The following CSMD1 variants were observed in gnomAD, a reference collection of about 807,000 sequenced individuals.
CSMD1 encodes CUB and sushi domain-containing protein 1.
A neutral mutation model predicts 417.5 loss-of-function variants in CSMD1; 213 were observed. The observed-to-expected ratio is 0.51, with a 90% CI of 0.46 to 0.57. CSMD1 has a LOEUF of 0.57. Among genes scored for constraint, CSMD1 ranks in the 20% least tolerant of loss-of-function variants. The pLI is 0.00. For missense variants in CSMD1, 6,923 were observed against 4,529.7 expected, an observed-to-expected ratio of 1.53 and a Z score of -15.17; for synonymous variants, 2,862 against 1,736.8, an observed-to-expected ratio of 1.65 and a Z score of -16.11.
intron 5 of CSMD1, among the ~76,000 whole-genome samples, chr8:3,865,107 T>G (rs543246320): frequency 6.6e-6 from 1 of 152,196 alleles, no homozygotes; most frequent in Non-Finnish European, 1.5e-5. Context: ...CACACACTAT[T>G]CTGGCCTCAC....
chr8:4,867,730 G>A (rs987829549), intron 1 of CSMD1, among the ~76,000 whole-genome samples: 1 of 152,030 alleles, frequency 6.6e-6, no homozygotes, highest in Non-Finnish European at 1.5e-5. Context: ...ACAAAATGCC[G>A]TATTAGTATT....
intron 5 of CSMD1, among the ~76,000 whole-genome samples, chr8:3,880,138 C>T (rs989330152): frequency 6.6e-6 from 1 of 152,036 alleles, no homozygotes; most frequent in Non-Finnish European, 1.5e-5. Flanking sequence ...ACTGTGACTG[C>T]TAGTACCTTC....
rs569694189 is a variant in CSMD1 at position 4,736,684 on chromosome 8, T to C, written c.86-99126A>G. Among the ~76,000 whole-genome samples the C allele has an allele frequency of 2.0e-5, 3 of 152,146 alleles. No homozygotes were observed. In the East Asian group the frequency reaches 5.8e-4, roughly 29 times the overall value. ...TATGCATAACTTTTGAGAAGATAAA[T>C]CGCAGGAAAAAGAATAATTTAAGAA... On this transcript the variant is annotated intron_variant, in intron 1 of 69. Coordinates refer to ENST00000635120, the MANE Select transcript of CSMD1 (RefSeq NM_033225.6).
chr8:4,781,726 T>G (rs1797161528), intron 1 of CSMD1, among the ~76,000 whole-genome samples: 3 of 152,318 alleles, frequency 2.0e-5, no homozygotes, highest in South Asian at 4.1e-4. Context: ...CTGGGAACAC[T>G]AGAAATGCTT....
intron 3 of CSMD1, among the ~76,000 whole-genome samples, chr8:4,365,611 G>C (rs1481170092): frequency 6.6e-6 from 1 of 152,144 alleles, no homozygotes; most frequent in South Asian, 2.1e-4. Context: ...CTTTGTACTT[G>C]ATTTGTTTAC....
chr8:3,181,523 T>A (rs1404197823), intron 36 of CSMD1, among the ~76,000 whole-genome samples: 2 of 152,176 alleles, frequency 1.3e-5, no homozygotes, highest in South Asian at 2.1e-4. Flanking sequence ...CTTCTTAAAT[T>A]TATTTTTTTA....
chr8:2,973,046 T>C, intron 57 of CSMD1, 71 bp downstream of exon 57: 1 of 1,444,296 alleles, frequency 6.9e-7, no homozygotes. Context: ...TGTAGAATTT[T>C]GCCAGGCATT....
chr8:4,973,228 A>C (rs1584938660), intron 1 of CSMD1, among the ~76,000 whole-genome samples: 1 of 152,220 alleles, frequency 6.6e-6, no homozygotes, highest in East Asian at 1.9e-4. Flanking sequence ...TATTGAGAGA[A>C]AGCATTTTCT....
At chr8:3,284,438 C>T (rs566040594) in intron 25 of CSMD1, 92 bp from the exon 26 acceptor site, 240 of 886,122 alleles carry the variant, frequency 2.7e-4, no homozygotes, top group Non-Finnish European at 4.0e-4. Context: ...TTCGCTTTCA[C>T]ACAACCCCCA....
chr8:3,359,126 T>A (rs779381261), intron 21 of CSMD1, 26 bp downstream of exon 21: 3 of 1,612,124 alleles, frequency 1.9e-6, no homozygotes, highest in Admixed American at 1.7e-5. Flanking sequence ...CATGGATGAA[T>A]GAAATGAAAG....
At chr8:3,932,158 A>T (rs1257892271) in intron 5 of CSMD1, among the ~76,000 whole-genome samples, 1 of 150,310 alleles carries the variant, frequency 6.7e-6, no homozygotes, top group African/African-American at 2.5e-5. Context: ...TGCTGGAATG[A>T]AACTCAGATA....
At chr8:3,821,780 TCAAAAAAACAAACAAG>T (rs1220265592) in intron 5 of CSMD1, among the ~76,000 whole-genome samples, 1 of 151,936 alleles carries the variant, frequency 6.6e-6, no homozygotes, top group Non-Finnish European at 1.5e-5. Flanking sequence ...AGACTCTGTC[TCAAAAAAACAAACAAG>T]CAAACAAACA....
At chr8:4,751,067 T>C (rs1440350652) in intron 1 of CSMD1, among the ~76,000 whole-genome samples, 5 of 152,184 alleles carry the variant, frequency 3.3e-5, no homozygotes, top group Non-Finnish European at 7.3e-5. Flanking sequence ...CAGGTAAAGT[T>C]TGATATACAT....
At chr8:3,055,282 G>C (rs1222238889) in intron 49 of CSMD1, among the ~76,000 whole-genome samples, 1 of 152,116 alleles carries the variant, frequency 6.6e-6, no homozygotes, top group Non-Finnish European at 1.5e-5. Context: ...GCTTGCCCAG[G>C]TCTTAAGACA....
intron 23 of CSMD1, among the ~76,000 whole-genome samples, chr8:3,332,517 G>C (rs951149074): frequency 1.3e-5 from 2 of 152,250 alleles, no homozygotes; most frequent in African/African-American, 4.8e-5. Context: ...TGACCATTCA[G>C]AATGTCACCG....
intron 11 of CSMD1, among the ~76,000 whole-genome samples, chr8:3,483,691 G>C (rs1281668256): frequency 6.6e-6 from 1 of 152,038 alleles, no homozygotes; most frequent in Non-Finnish European, 1.5e-5. Flanking sequence ...AAAAGAAAGA[G>C]AAAACTATAG....
intron 25 of CSMD1, among the ~76,000 whole-genome samples, chr8:3,300,050 T>A (rs891697379): frequency 5.3e-5 from 8 of 152,038 alleles, no homozygotes; most frequent in Non-Finnish European, 1.2e-4. Flanking sequence ...GTGAAAAAAT[T>A]AAAAACAACC....
intron 15 of CSMD1, among the ~76,000 whole-genome samples, chr8:3,402,830 TG>T (rs1812122059): frequency 6.6e-6 from 1 of 152,122 alleles, no homozygotes. Context: ...AATTTATTTT[TG>T]TTTTTTCTAA....
chr8:3,961,440 C>G (rs1235024301), intron 5 of CSMD1, among the ~76,000 whole-genome samples: 3 of 152,152 alleles, frequency 2.0e-5, no homozygotes, highest in Non-Finnish European at 4.4e-5. Flanking sequence ...CACAGGTGAT[C>G]TTTGACACAG....
Sources: gnomAD v4.1 joint callset for allele counts (sites outside exome capture counted in the v4.1 genomes callset) on GRCh38, gnomAD v4.1.1 for gene constraint, MANE v1.5 for transcripts, NCBI Gene and HGNC (gene_info 2026-07-23, HGNC 2026-07-21) for gene names.